Variants in TRERF1 observed in about 807,000 individuals in gnomAD.
TRERF1 encodes the protein transcriptional-regulating factor 1.
Under a neutral mutation model 122.9 loss-of-function variants are expected in TRERF1, and 27 were observed. That is an observed-to-expected ratio of 0.22 (90% CI 0.16 to 0.30). TRERF1 has a LOEUF of 0.30. Among genes scored for constraint, TRERF1 ranks in the 10% least tolerant of loss-of-function variants. TRERF1 has a pLI of 1.00. For synonymous variants in TRERF1, 636 were observed against 641.7 expected (o/e 0.99, Z 0.13); for missense variants, 1,248 against 1,560.3 (o/e 0.80, Z 3.37).
chr6:42,341,366 C>G (rs1767270309), intron 3 of TRERF1, among the ~76,000 whole-genome samples: 1 of 152,202 alleles, frequency 6.6e-6, no homozygotes, highest in Non-Finnish European at 1.5e-5. Flanking sequence ...AGTGAAAACA[C>G]TCAAGAATCA....
rs564542641 is a variant in TRERF1 at position 42,284,620 on chromosome 6, G to C, written c.-258-14772C>G. Reference sequence around the variant, plus strand: ...ATAATTACAATAACAAGGACAACTGGCATAAGCAGGTTTGAGGACCAACAC... The same window carrying C: ...ATAATTACAATAACAAGGACAACTGCCATAAGCAGGTTTGAGGACCAACAC... On this transcript the variant is annotated intron_variant, in intron 4 of 17. Coordinates refer to ENST00000372922, the Ensembl canonical transcript of TRERF1. Among the ~76,000 whole-genome samples, 6 of 152,268 alleles carry C rather than the reference G, an allele frequency of 3.9e-5. No individual in the cohort carries two copies. In the East Asian group the frequency reaches 1.2e-3, roughly 29 times the overall value.
intron 4 of TRERF1, among the ~76,000 whole-genome samples, chr6:42,288,954 TG>T (rs1783791386): frequency 1.5e-4 from 1 of 6,754 alleles, no homozygotes; most frequent in Non-Finnish European, 2.8e-4. Flanking sequence ...TCTTGAACTC[TG>T]TGTGTGTGTG....
intron 3 of TRERF1, among the ~76,000 whole-genome samples, chr6:42,337,041 G>T (rs538821926): frequency 6.6e-6 from 1 of 152,278 alleles, no homozygotes; most frequent in East Asian, 1.9e-4. Context: ...GGAATGGGGT[G>T]GGAAGAAAGG....
At position 42,415,331 on chromosome 6, in the gene TRERF1, A is replaced by T. The variant is rs374146044; in HGVS notation, c.-454+35846T>A. Among the ~76,000 whole-genome samples, 6 of 152,258 alleles carry T rather than the reference A, an allele frequency of 3.9e-5. No homozygotes were observed. In the South Asian group the frequency reaches 6.2e-4, roughly 16 times the overall value. ...TTTTCCAAATTATTTTTCTCAGATT[A>T]TCATGTATCTTTTGACTTTGTTTAC... On this transcript the variant is annotated intron_variant, in intron 2 of 17. Transcript: ENST00000372922.
chr6:42,390,484 G>A (rs772570209), intron 2 of TRERF1, among the ~76,000 whole-genome samples: 1 of 152,162 alleles, frequency 6.6e-6, no homozygotes, highest in Non-Finnish European at 1.5e-5. Context: ...AGTACATATC[G>A]CAAGCTTTGT....
At chr6:42,340,135 A>T (rs971492168) in intron 3 of TRERF1, among the ~76,000 whole-genome samples, 2 of 152,182 alleles carry the variant, frequency 1.3e-5, no homozygotes, top group South Asian at 4.1e-4. Flanking sequence ...GCCAGTCACA[A>T]CCAAACAACC....
intron 6 of TRERF1, 105 bp downstream of exon 6, chr6:42,265,646 A>G (rs766599271): frequency 8.2e-6 from 10 of 1,217,882 alleles, no homozygotes; most frequent in Non-Finnish European, 1.2e-5. Context: ...TTATTTCTAC[A>G]CACTTCTTTG....
chr6:42,240,294 C>A (rs1773389394), intron 15 of TRERF1, among the ~76,000 whole-genome samples: 1 of 152,208 alleles, frequency 6.6e-6, no homozygotes, highest in African/African-American at 2.4e-5. Context: ...TGTGCACTGT[C>A]CTAGGCACTT....
intron 4 of TRERF1, among the ~76,000 whole-genome samples, chr6:42,298,246 C>T (rs550577274): frequency 8.6e-5 from 13 of 151,904 alleles, no homozygotes; most frequent in South Asian, 4.2e-4. Flanking sequence ...ACCTCCACCT[C>T]CAGGGTTCAA....
Position 42,232,724 on chromosome 6 carries a change from C to T in TRERF1, c.3235G>A (p.Glu1079Lys), listed in dbSNP as rs750400318. Residue 1079 changes from glutamate (E) to lysine (K), a missense_variant, in exon 17 of 18, where the codon GAG (glutamate) becomes AAG (lysine). This residue lies in a region of TRERF1 where 159 missense variants were observed against 221.7 expected (regional missense o/e 0.72). Transcript: ENST00000372922. The surrounding 1 kb of genome is among the most constrained non-coding windows in gnomAD (Gnocchi z 4.5). ...GGGAAGATGGTGGTGGGGTCTGTCT[C>T]GCCGCTGGTGGTGCTGTGAGAGGGT... The T allele has an allele frequency of 5.0e-6, 8 of 1,608,564 alleles. No homozygotes were observed. The highest frequency in any genetic ancestry group is 2.2e-5 in the East Asian group (1 of 44,690).
At chr6:42,306,130 T>C (rs1028053181) in intron 3 of TRERF1, among the ~76,000 whole-genome samples, 8 of 149,470 alleles carry the variant, frequency 5.4e-5, no homozygotes, top group East Asian at 2.0e-4. Flanking sequence ...GCCTCTCGAG[T>C]AGCTGGGATT....
intron 4 of TRERF1, among the ~76,000 whole-genome samples, chr6:42,270,205 GTA>G (rs201515702): frequency 1.3e-5 from 2 of 151,562 alleles, no homozygotes; most frequent in Admixed American, 6.6e-5. Context: ...CTGTGTGTGT[GTA>G]TATATATATA....
Position 42,269,008 on chromosome 6 carries a change from GTGC to G in TRERF1, c.580_582del (p.Ala194del), listed in dbSNP as rs1170808285. The G allele has an allele frequency of 1.2e-6, 2 of 1,613,708 alleles. No individual in the cohort carries two copies. The highest frequency in any genetic ancestry group is 1.7e-6 in the Non-Finnish European group (2 of 1,179,802). ...TGCTGGTAGCGGGAAGGGATAGCCGGTGCTGGGGGCTCCATGGGCTTCTGAGAC... is the reference window on the plus strand; with the variant it reads ...TGCTGGTAGCGGGAAGGGATAGCCGGTGGGGGCTCCATGGGCTTCTGAGAC... On this transcript the variant is annotated inframe_deletion, in exon 5 of 18. Transcript: ENST00000372922. The surrounding 1 kb of genome is among the most constrained non-coding windows in gnomAD (Gnocchi z 4.9).
At chr6:42,437,900 A>G (rs1038770639) in intron 2 of TRERF1, among the ~76,000 whole-genome samples, 2 of 151,634 alleles carry the variant, frequency 1.3e-5, no homozygotes, top group Non-Finnish European at 2.9e-5. Context: ...CTTAGTAGGC[A>G]GCTGTTATTT....
chr6:42,236,446 T>C (rs1436691108), intron 15 of TRERF1, 35 bp from the exon 16 acceptor site: 1 of 1,544,056 alleles, frequency 6.5e-7, no homozygotes, highest in Non-Finnish European at 8.7e-7. Flanking sequence ...GAGGGGAAAA[T>C]CCCCAAATGG....
rs745552779 is a variant in TRERF1, at chr6:42,269,615, C to A, written c.-25G>T. The A allele has an allele frequency of 2.5e-6, 4 of 1,602,994 alleles. No homozygotes were observed. The highest frequency in any genetic ancestry group is 3.4e-6 in the Non-Finnish European group (4 of 1,172,926). On this transcript the variant is annotated 5_prime_UTR_variant, in exon 5 of 18. Transcript: ENST00000372922. The surrounding 1 kb of genome is among the most constrained non-coding windows in gnomAD (Gnocchi z 4.9). Reference sequence around the variant, plus strand: ...TGCTGTCTGCCTTGGTTGTGAACGTCCAGCCACAAAACCATAAAAAAGGTA... The same window carrying A: ...TGCTGTCTGCCTTGGTTGTGAACGTACAGCCACAAAACCATAAAAAAGGTA...
chr6:42,414,232 T>C (rs1425695604), intron 2 of TRERF1, among the ~76,000 whole-genome samples: 1 of 152,164 alleles, frequency 6.6e-6, no homozygotes. Context: ...GGTCTTTCAA[T>C]AATGTGTAAA....
intron 4 of TRERF1, among the ~76,000 whole-genome samples, chr6:42,295,633 G>A (rs1022171073): frequency 6.6e-6 from 1 of 152,170 alleles, no homozygotes; most frequent in Non-Finnish European, 1.5e-5. Flanking sequence ...CCTGACCATT[G>A]AAGGGCATCG....
chr6:42,282,796 C>G (rs997392100), intron 4 of TRERF1, among the ~76,000 whole-genome samples: 1 of 152,164 alleles, frequency 6.6e-6, no homozygotes, highest in African/African-American at 2.4e-5. Flanking sequence ...TCTATGATCA[C>G]TGAATTAGTG....
Sources: gnomAD v4.1 joint callset for allele counts (sites outside exome capture counted in the v4.1 genomes callset) on GRCh38, gnomAD v4.1.1 for gene constraint, gnomAD v4.1.1 regional missense constraint, Gnocchi (gnomAD v3.1) non-coding constraint, MANE v1.5 for transcripts, NCBI Gene and HGNC (gene_info 2026-07-23, HGNC 2026-07-21) for gene names.